GLIPR1L1: variants seen among roughly 807,000 people sequenced by gnomAD.
The protein encoded by GLIPR1L1 is GLIPR1-like protein 1.
A neutral mutation model predicts 29.9 loss-of-function variants in GLIPR1L1; 26 were observed. That is an observed-to-expected ratio of 0.87 (90% CI 0.64 to 1.21). The LOEUF is 1.21. Ranked by LOEUF, GLIPR1L1 falls within the 50% of genes most tolerant of loss-of-function variation. The probability of loss-of-function intolerance (pLI) is 0.00; values close to 1 mark genes in which losing one functional copy is unlikely to be tolerated. For synonymous variants in GLIPR1L1, 77 were observed against 97.5 expected (o/e 0.79, Z 1.24); for missense variants, 305 against 290.3 (o/e 1.05, Z -0.37).
At chr12:75,349,814 T>TAAAAAGAAAAGG (rs2042685784) in intron 3 of GLIPR1L1, among the ~76,000 whole-genome samples, 1 of 151,788 alleles carries the variant, frequency 6.6e-6, no homozygotes, top group African/African-American at 2.4e-5. Context: ...CAAGACCCTA[T>TAAAAAGAAAAGG]CTCTTTAAAA....
Position 75,334,689 on chromosome 12 carries a change from C to G in GLIPR1L1, c.-40C>G, listed in dbSNP as rs565146614. ...CGGGTTGCCCCAGCCGTTACTGGTC[C>G]GCGCAGTCAGGGCATCCTCCGCATC... On this transcript the variant is annotated 5_prime_UTR_variant, in exon 1 of 6. Coordinates refer to ENST00000378695, the MANE Select transcript of GLIPR1L1 (RefSeq NM_001304964.2). 8.0e-5 allele frequency: 127 copies of G among 1,589,664 alleles called. 1 individual carries two copies. In the South Asian group the frequency reaches 1.4e-3, roughly 18 times the overall value.
intron 3 of GLIPR1L1, among the ~76,000 whole-genome samples, chr12:75,354,111 C>A (rs1026414732): frequency 7.3e-6 from 1 of 136,486 alleles, no homozygotes; most frequent in Non-Finnish European, 1.5e-5. Flanking sequence ...CTCACCACTT[C>A]TATTCAACAT....
chr12:75,356,637 A>G (rs1036441148), intron 3 of GLIPR1L1, among the ~76,000 whole-genome samples: 5 of 152,182 alleles, frequency 3.3e-5, no homozygotes, highest in African/African-American at 1.2e-4. Flanking sequence ...AGGAAAAGGG[A>G]AACAGAAAAC....
chr12:75,370,541 C>T lies in GLIPR1L1; in HGVS notation c.*365C>T, dbSNP rs1357774773. The T allele has an allele frequency of 6.3e-6, 1 of 158,628 alleles. No homozygotes were observed. The highest frequency in any genetic ancestry group is 2.4e-5 in the African/African-American group (1 of 41,602). The allele number at this position is 158,628 out of a possible 1,614,324, so 9.8% of individuals were successfully genotyped here. ...TAGTTTCCTTTATGAATACCATCAA[C>T]ATCATTCAGAAACAAAATGTTACTG... On this transcript the variant is annotated 3_prime_UTR_variant, in exon 6 of 6. Coordinates refer to ENST00000378695, the MANE Select transcript of GLIPR1L1 (RefSeq NM_001304964.2).
rs1418717421 is a variant in GLIPR1L1 at position 75,334,676 on chromosome 12, G to A, written c.-53G>A. 1.3e-6 allele frequency: 2 copies of A among 1,576,062 alleles called. No individual in the cohort carries two copies. The highest frequency in any genetic ancestry group is 1.8e-5 in the Admixed American group (1 of 56,794). On this transcript the variant is annotated 5_prime_UTR_variant, in exon 1 of 6. Coordinates refer to ENST00000378695, the MANE Select transcript of GLIPR1L1 (RefSeq NM_001304964.2). ...GGCGTGGGGAAATCGGGTTGCCCCA[G>A]CCGTTACTGGTCCGCGCAGTCAGGG...
intron 4 of GLIPR1L1, among the ~76,000 whole-genome samples, 188 bp downstream of exon 4, chr12:75,363,378 T>C (rs560025392): frequency 6.6e-6 from 1 of 152,274 alleles, no homozygotes; most frequent in South Asian, 2.1e-4. Flanking sequence ...CTTCACTGAT[T>C]ACTCCCCCTC....
rs1422509952 is a variant in GLIPR1L1 at position 75,369,800 on chromosome 12, TTAAG to T, written c.611-157_611-154del. Reference sequence around the variant, plus strand: ...TTGGTAGGAAGCATCGTAAAGAGTTTTAAGTACTGTAGGATTGAGTAGGAAAGTT... The same window carrying T: ...TTGGTAGGAAGCATCGTAAAGAGTTTTACTGTAGGATTGAGTAGGAAAGTT... On this transcript the variant is annotated intron_variant, in intron 4 of 5. Transcript: ENST00000378695. The T allele has an allele frequency of 3.8e-5, 37 of 982,416 alleles. No individual in the cohort carries two copies. In the East Asian group the frequency reaches 3.4e-3, roughly 91 times the overall value. The allele number at this position is 982,416 out of a possible 1,614,324, so 60.9% of individuals were successfully genotyped here.
At chr12:75,357,176 T>A (rs2043209255) in intron 3 of GLIPR1L1, among the ~76,000 whole-genome samples, 1 of 152,128 alleles carries the variant, frequency 6.6e-6, no homozygotes, top group Admixed American at 6.6e-5. Flanking sequence ...GGAAACAGTG[T>A]GAGACTCCAT....
intron 3 of GLIPR1L1, 86 bp downstream of exon 3, chr12:75,347,808 G>A: frequency 1.5e-6 from 1 of 687,732 alleles, no homozygotes; most frequent in Non-Finnish European, 2.4e-6. Flanking sequence ...CTAGACACAA[G>A]TGTATTTTTG....
chr12:75,366,522 C>G (rs1017484984), intron 4 of GLIPR1L1, among the ~76,000 whole-genome samples: 5 of 152,106 alleles, frequency 3.3e-5, no homozygotes, highest in Admixed American at 1.3e-4. Flanking sequence ...TACTAGTAAA[C>G]CTGGCATGCC....
intron 2 of GLIPR1L1, among the ~76,000 whole-genome samples, chr12:75,345,497 A>G (rs1414961966): frequency 1.3e-5 from 2 of 152,150 alleles, no homozygotes; most frequent in African/African-American, 2.4e-5. Context: ...ACCCATTTGT[A>G]TAAGTTGAAT....
rs143052259 is a variant in GLIPR1L1 at position 75,343,904 on chromosome 12, T to C, written c.386T>C (p.Leu129Pro). 1.2e-6 allele frequency: 2 copies of C among 1,611,428 alleles called. No homozygotes were observed. Among genetic ancestry groups the C allele is most frequent in the South Asian group, 1.1e-5 (1 of 90,980 alleles). ...ACCCAATTTTATGATTTTGATAGTCTATCATGCTCCAGAGTCTGTGGCCAT... is the reference window on the plus strand; with the variant it reads ...ACCCAATTTTATGATTTTGATAGTCCATCATGCTCCAGAGTCTGTGGCCAT... ...NETQFYDFDS[L>P]SCSRVCGHYT... Residue 129 changes from leucine to proline, a missense_variant, in exon 2 of 6, where the codon CTA becomes CCA. Leu to Pro is a moderately conservative substitution (Grantham distance 98, BLOSUM62 -3). Coordinates refer to ENST00000378695, the MANE Select transcript of GLIPR1L1 (RefSeq NM_001304964.2).
Position 75,334,697 on chromosome 12 carries a change from C to A in GLIPR1L1, c.-32C>A. ...CCCAGCCGTTACTGGTCCGCGCAGT[C>A]AGGGCATCCTCCGCATCCTCCACAT... On this transcript the variant is annotated 5_prime_UTR_variant, in exon 1 of 6. Transcript: ENST00000378695. The A allele has an allele frequency of 6.3e-7, 1 of 1,597,230 alleles. No individual in the cohort carries two copies. The highest frequency in any genetic ancestry group is 8.5e-7 in the Non-Finnish European group (1 of 1,171,450).
intron 3 of GLIPR1L1, among the ~76,000 whole-genome samples, chr12:75,358,712 C>A: frequency 7.0e-6 from 1 of 141,938 alleles, no homozygotes. Flanking sequence ...CTTTTTTAAA[C>A]CATATATATA....
intron 3 of GLIPR1L1, among the ~76,000 whole-genome samples, chr12:75,354,534 A>G (rs2043024489): frequency 6.6e-6 from 1 of 152,264 alleles, no homozygotes; most frequent in African/African-American, 2.4e-5. Flanking sequence ...AAGAATCAAT[A>G]TCGTGAAAAT....
Position 75,334,752 on chromosome 12 carries a change from T to C in GLIPR1L1, c.24T>C (p.Ser8=), listed in dbSNP as rs193047456. The C allele has an allele frequency of 4.1e-5, 66 of 1,613,888 alleles. No individual in the cohort carries two copies. In the East Asian group the frequency reaches 1.4e-3, roughly 35 times the overall value. Residue 8 remains serine, a synonymous_variant, in exon 1 of 6, where the codon AGT becomes AGC. Transcript: ENST00000378695. ...CCATGGCTCTGAAGAATAAATTCAG[T>C]TGTTTATGGATCTTGGGTCTGTGTT... The part of the protein sequence containing the change: MALKNKF[S]CLWILGLCLV...
intron 4 of GLIPR1L1, among the ~76,000 whole-genome samples, chr12:75,369,133 C>T (rs2044189009): frequency 6.6e-6 from 1 of 151,866 alleles, no homozygotes; most frequent in African/African-American, 2.4e-5. Context: ...GATGGTTTAA[C>T]TCAAGAGGTG....
chr12:75,354,729 A>G (rs1212556810), intron 3 of GLIPR1L1, among the ~76,000 whole-genome samples: 1 of 152,234 alleles, frequency 6.6e-6, no homozygotes, highest in Non-Finnish European at 1.5e-5. Flanking sequence ...ACTTCAAACT[A>G]CACTACAAGG....
At chr12:75,357,669 A>G (rs2043241214) in intron 3 of GLIPR1L1, among the ~76,000 whole-genome samples, 1 of 152,136 alleles carries the variant, frequency 6.6e-6, no homozygotes, top group Non-Finnish European at 1.5e-5. Flanking sequence ...TTGTTTGATG[A>G]CAGCAAAATT....
Sources: allele counts gnomAD v4.1 joint callset (sites outside exome capture counted in the v4.1 genomes callset), GRCh38; gene constraint gnomAD v4.1.1; transcripts MANE v1.5; gene names NCBI Gene and HGNC (gene_info 2026-07-23, HGNC 2026-07-21).